UBE2H: variants seen among roughly 807,000 people sequenced by gnomAD.
UBE2H encodes the protein ubiquitin-conjugating enzyme E2 H.
In UBE2H, 3 loss-of-function variants were observed where a neutral mutation model predicts 29.0. That is an observed-to-expected ratio of 0.10 (90% CI 0.05 to 0.27). The LOEUF (loss-of-function observed/expected upper bound fraction) is 0.27, where lower values mean the gene tolerates loss of function less well. UBE2H is among the 10% of genes least tolerant of loss of function. The pLI is 1.00. For synonymous variants in UBE2H, 69 were observed against 82.9 expected (o/e 0.83, Z 0.91); for missense variants, 68 against 228.2 (o/e 0.30, Z 4.52).
At chr7:129,911,584 C>A (rs1806938841) in intron 1 of UBE2H, among the ~76,000 whole-genome samples, 1 of 152,062 alleles carries the variant, frequency 6.6e-6, no homozygotes, top group Non-Finnish European at 1.5e-5. Flanking sequence ...CAGGCACCTA[C>A]ACTAACCTAG....
At chr7:129,913,761 G>A (rs1233878379) in intron 1 of UBE2H, among the ~76,000 whole-genome samples, 3 of 152,016 alleles carry the variant, frequency 2.0e-5, no homozygotes, top group African/African-American at 7.2e-5. Flanking sequence ...CTATGATTAC[G>A]CCACTGTACT....
chr7:129,880,537 A>G (rs911912423), intron 2 of UBE2H, among the ~76,000 whole-genome samples: 7 of 152,212 alleles, frequency 4.6e-5, no homozygotes, highest in African/African-American at 1.4e-4. Flanking sequence ...AAAATACAGT[A>G]TAACAACTAT....
chr7:129,913,891 C>T (rs1254358115), intron 1 of UBE2H, among the ~76,000 whole-genome samples: 1 of 152,196 alleles, frequency 6.6e-6, no homozygotes, highest in Non-Finnish European at 1.5e-5. Flanking sequence ...AGGCTCTGTA[C>T]TTAACTACGA....
intron 1 of UBE2H, among the ~76,000 whole-genome samples, chr7:129,909,137 G>C (rs1304007273): frequency 6.6e-6 from 1 of 152,110 alleles, no homozygotes; most frequent in African/African-American, 2.4e-5. Flanking sequence ...ATTGCAACTG[G>C]AGCCCCTCTC....
intron 3 of UBE2H, among the ~76,000 whole-genome samples, chr7:129,872,579 C>T (rs866570373): frequency 1.3e-5 from 2 of 151,916 alleles, no homozygotes; most frequent in African/African-American, 4.8e-5. Context: ...CGGTGGCTCA[C>T]GCCTGTAATC....
At position 129,834,887 on chromosome 7, in the gene UBE2H, T is replaced by C; in HGVS notation, c.*50A>G. 1 of 1,606,576 alleles carries C rather than the reference T, an allele frequency of 6.2e-7. No homozygotes were observed. Among genetic ancestry groups the C allele is most frequent in the Non-Finnish European group, 8.5e-7 (1 of 1,177,934 alleles). ...TTAAATATGAATATTATAGTCTGCT[T>C]CTCATGGTTAGGAAATAATAGTCTT... On this transcript the variant is annotated 3_prime_UTR_variant, in exon 7 of 7. Transcript: ENST00000355621.
Position 129,944,271 on chromosome 7 carries a change from G to A in UBE2H, c.53+8232C>T, listed in dbSNP as rs1347193828. Among the ~76,000 whole-genome samples the A allele has an allele frequency of 2.6e-5, 4 of 152,118 alleles. No individual in the cohort carries two copies. The East Asian group carries it at 5.8e-4, about 22-fold the overall frequency. On this transcript the variant is annotated intron_variant, in intron 1 of 6. Transcript: ENST00000355621. ...CTCAGGAGGCCGAGGCAGGAGAATG[G>A]CGTGAACCCAGGAGGCGGAGCTGGC...
chr7:129,948,642 C>T (rs553906273), intron 1 of UBE2H, among the ~76,000 whole-genome samples: 7 of 152,080 alleles, frequency 4.6e-5, no homozygotes, highest in South Asian at 4.1e-4. Flanking sequence ...AGTCAGACCT[C>T]GGTCTCTACA....
chr7:129,867,689 T>A (rs1584753743), intron 3 of UBE2H, among the ~76,000 whole-genome samples: 2 of 63,194 alleles, frequency 3.2e-5, no homozygotes, highest in Non-Finnish European at 5.7e-5. Context: ...CCCTAAAACT[T>A]AGAGTATAAT....
At chr7:129,903,433 G>A (rs573813482) in intron 1 of UBE2H, among the ~76,000 whole-genome samples, 1 of 152,288 alleles carries the variant, frequency 6.6e-6, no homozygotes, top group South Asian at 2.1e-4. Context: ...AACATCCTAA[G>A]AGTGTCTGTA....
chr7:129,873,149 G>C (rs925277130), intron 3 of UBE2H, among the ~76,000 whole-genome samples: 1 of 151,414 alleles, frequency 6.6e-6, no homozygotes, highest in Non-Finnish European at 1.5e-5. Flanking sequence ...CTCCCAAGTA[G>C]CTGGGAATAC....
intron 1 of UBE2H, among the ~76,000 whole-genome samples, chr7:129,887,881 C>T (rs1806396261): frequency 6.6e-6 from 1 of 151,948 alleles, no homozygotes; most frequent in Non-Finnish European, 1.5e-5. Flanking sequence ...GAAACTCCGT[C>T]TCAAAAAACA....
chr7:129,906,500 A>G (rs1056891640), intron 1 of UBE2H, among the ~76,000 whole-genome samples: 3 of 152,108 alleles, frequency 2.0e-5, no homozygotes, highest in African/African-American at 7.2e-5. Flanking sequence ...TCACGCGCCC[A>G]GCCCTGAGTA....
intron 1 of UBE2H, among the ~76,000 whole-genome samples, chr7:129,903,850 T>C (rs927584382): frequency 1.3e-5 from 2 of 152,230 alleles, no homozygotes; most frequent in South Asian, 4.1e-4. Context: ...AGGCTACAGG[T>C]AGCTATGCTG....
At chr7:129,873,620 T>G (rs1806088247) in intron 3 of UBE2H, among the ~76,000 whole-genome samples, 1 of 151,518 alleles carries the variant, frequency 6.6e-6, no homozygotes, top group South Asian at 2.1e-4. Context: ...TTTTTTTTTT[T>G]AGAGATGGGG....
At chr7:129,893,713 G>A (rs929768925) in intron 1 of UBE2H, among the ~76,000 whole-genome samples, 1 of 152,158 alleles carries the variant, frequency 6.6e-6, no homozygotes, top group African/African-American at 2.4e-5. Flanking sequence ...AAACAAACTT[G>A]ACTGCTTTGC....
chr7:129,832,641 G>C lies in UBE2H; in HGVS notation c.*2296C>G, dbSNP rs536408348. The C allele has an allele frequency of 3.3e-5, 5 of 152,252 alleles. No homozygotes were observed. The highest frequency in any genetic ancestry group is 1.2e-4 in the African/African-American group (5 of 41,518). 9.4% of individuals were successfully genotyped at this position (152,252 alleles called of 1,614,324 possible). A position where few individuals can be genotyped will look rare whatever the true frequency, so the allele number is the denominator to read the frequency against. ...CGAGCCAATGTCTTATCATTAGAGAGATGTGGGATTAGGTAAGGGGCAGAG... is the reference window on the plus strand; with the variant it reads ...CGAGCCAATGTCTTATCATTAGAGACATGTGGGATTAGGTAAGGGGCAGAG... On this transcript the variant is annotated 3_prime_UTR_variant, in exon 7 of 7. Transcript: ENST00000355621.
At chr7:129,911,982 G>T (rs1017890347) in intron 1 of UBE2H, among the ~76,000 whole-genome samples, 1 of 152,150 alleles carries the variant, frequency 6.6e-6, no homozygotes, top group Non-Finnish European at 1.5e-5. Flanking sequence ...TATGTGAAAA[G>T]ATGACTGAGA....
chr7:129,901,059 T>C (rs1279136264), intron 1 of UBE2H, among the ~76,000 whole-genome samples: 2 of 152,166 alleles, frequency 1.3e-5, no homozygotes, highest in Non-Finnish European at 2.9e-5. Flanking sequence ...TGTTTTCTTT[T>C]TCTTTACAGT....
Sources: gnomAD v4.1 joint callset for allele counts (sites outside exome capture counted in the v4.1 genomes callset) on GRCh38, gnomAD v4.1.1 for gene constraint, MANE v1.5 for transcripts, NCBI Gene and HGNC (gene_info 2026-07-23, HGNC 2026-07-21) for gene names.